Variants in NTN1 observed in about 807,000 individuals in gnomAD.
NTN1 encodes netrin 1.
A neutral mutation model predicts 54.2 loss-of-function variants in NTN1; 11 were observed. That is an observed-to-expected ratio of 0.20 (90% CI 0.13 to 0.34). The LOEUF (loss-of-function observed/expected upper bound fraction) is 0.34, where lower values mean the gene tolerates loss of function less well. NTN1 is among the 10% of genes least tolerant of loss of function. NTN1 has a pLI of 1.00. For missense variants in NTN1, 740 were observed against 893.1 expected (o/e 0.83, Z 2.18); for synonymous variants, 371 against 382.0 (o/e 0.97, Z 0.33).
At chr17:9,169,132 AC>A (rs1217610356) in intron 3 of NTN1, among the ~76,000 whole-genome samples, 2 of 152,156 alleles carry the variant, frequency 1.3e-5, no homozygotes, top group African/African-American at 2.4e-5. Context: ...TGTTCAGTCT[AC>A]AGGGTATCAG....
chr17:9,228,517 C>T (rs73973311), intron 6 of NTN1, among the ~76,000 whole-genome samples: 3,190 of 152,264 alleles, frequency 0.021, 114 homozygotes, highest in African/African-American at 0.073. Context: ...TGGGTGCTGC[C>T]GCTGGCTTCT....
chr17:9,239,833 C>T lies in NTN1; in HGVS notation c.1680C>T (p.Asn560=), dbSNP rs1404484921. ...KPLKKYLLLG[N]AEDSPDQSGI... ...TCAAGAAGTACCTGCTGCTGGGCAA[C>T]GCGGAGGACTCTCCGGACCAGAGCG... is the stretch of plus-strand genomic sequence containing the variant. Residue 560 remains asparagine, a synonymous_variant, in exon 7 of 7, where the codon AAC becomes AAT. Coordinates refer to ENST00000173229, the MANE Select transcript of NTN1 (RefSeq NM_004822.3). This position sits in a 1 kb window ranked among gnomAD's most constrained non-coding sequence, Gnocchi z 5.2. The T allele has an allele frequency of 1.2e-6, 2 of 1,613,346 alleles. No homozygotes were observed. Among genetic ancestry groups the T allele is most frequent in the African/African-American group, 1.3e-5 (1 of 75,066 alleles).
At chr17:9,124,523 A>G (rs567257789) in intron 2 of NTN1, among the ~76,000 whole-genome samples, 1 of 152,270 alleles carries the variant, frequency 6.6e-6, no homozygotes, top group South Asian at 2.1e-4. Flanking sequence ...CCACACTCAG[A>G]CCACACTCAG....
the NTN1 span, among the ~76,000 whole-genome samples, chr17:9,013,204 T>TTTTTTC: frequency 7.5e-6 from 1 of 132,760 alleles, no homozygotes; most frequent in African/African-American, 2.9e-5. Context: ...TCTTTTTTTC[T>TTTTTTC]TTTTTCTTTT....
intron 2 of NTN1, among the ~76,000 whole-genome samples, chr17:9,106,507 T>G: frequency 6.8e-6 from 1 of 146,670 alleles, no homozygotes; most frequent in African/African-American, 2.5e-5. Context: ...CTTCCTTCCT[T>G]CCTTCCTTCC....
At chr17:9,103,450 TAGTG>T (rs780201611) in intron 2 of NTN1, among the ~76,000 whole-genome samples, 2 of 152,126 alleles carry the variant, frequency 1.3e-5, no homozygotes, top group Non-Finnish European at 2.9e-5. Context: ...GTTCTCATGA[TAGTG>T]AGTGAGTTCT....
chr17:9,116,066 G>T (rs987495401), intron 2 of NTN1, among the ~76,000 whole-genome samples: 9 of 152,234 alleles, frequency 5.9e-5, no homozygotes, highest in Non-Finnish European at 1.2e-4. Flanking sequence ...AGCCGCCTGT[G>T]GGTGTCGTCA....
At chr17:9,215,288 CAT>C (rs1555577252) in intron 5 of NTN1, among the ~76,000 whole-genome samples, 26 of 150,754 alleles carry the variant, frequency 1.7e-4, no homozygotes, top group South Asian at 8.6e-4. Flanking sequence ...CACACACACA[CAT>C]ACACACATGG....
At chr17:9,029,172 C>T (rs538061013) in intron 2 of NTN1, among the ~76,000 whole-genome samples, 16 of 152,152 alleles carry the variant, frequency 1.1e-4, no homozygotes, top group African/African-American at 3.9e-4. Flanking sequence ...TTAAAATGTC[C>T]GTCCATGGTG....
At chr17:9,172,541 C>T (rs2092389940) in intron 3 of NTN1, among the ~76,000 whole-genome samples, 2 of 152,082 alleles carry the variant, frequency 1.3e-5, no homozygotes, top group South Asian at 4.1e-4. Flanking sequence ...TTGCACATCC[C>T]ACGTCTGATG....
chr17:9,185,392 A>G (rs1221319815), intron 5 of NTN1, among the ~76,000 whole-genome samples: 1 of 152,176 alleles, frequency 6.6e-6, no homozygotes, highest in African/African-American at 2.4e-5. Flanking sequence ...GCTGCCTGAG[A>G]AAAGCTTGTT....
At chr17:9,205,658 G>T (rs1274444411) in intron 5 of NTN1, among the ~76,000 whole-genome samples, 1 of 152,170 alleles carries the variant, frequency 6.6e-6, no homozygotes, top group South Asian at 2.1e-4. Context: ...CCTGCATTGC[G>T]ATGGGGGGAG....
intron 2 of NTN1, among the ~76,000 whole-genome samples, chr17:9,050,288 T>C (rs953300357): frequency 4.0e-5 from 6 of 151,408 alleles, no homozygotes; most frequent in African/African-American, 1.5e-4. Context: ...AAATAAATAA[T>C]AACAATAAAT....
At chr17:9,139,137 G>A (rs1267588396) in intron 2 of NTN1, among the ~76,000 whole-genome samples, 2 of 152,104 alleles carry the variant, frequency 1.3e-5, no homozygotes, top group African/African-American at 4.8e-5. Flanking sequence ...TCATGGGGGT[G>A]ATGCCAGTCA....
At chr17:9,121,120 G>A (rs1021611241) in intron 2 of NTN1, among the ~76,000 whole-genome samples, 1 of 152,100 alleles carries the variant, frequency 6.6e-6, no homozygotes, top group African/African-American at 2.4e-5. Context: ...TGGCCCTGTC[G>A]GGGGGAGAGC....
chr17:9,069,076 T>C (rs1301741244), intron 2 of NTN1, among the ~76,000 whole-genome samples: 1 of 152,146 alleles, frequency 6.6e-6, no homozygotes, highest in East Asian at 1.9e-4. Context: ...TCCTTGCAAA[T>C]AGCCTCTTGC....
At chr17:9,064,447 T>C (rs915914985) in intron 2 of NTN1, among the ~76,000 whole-genome samples, 1 of 152,218 alleles carries the variant, frequency 6.6e-6, no homozygotes, top group Non-Finnish European at 1.5e-5. Context: ...TTCTCACTTC[T>C]GCGTCGATGC....
chr17:9,120,077 G>A (rs1028462770), intron 2 of NTN1, among the ~76,000 whole-genome samples: 3 of 152,020 alleles, frequency 2.0e-5, no homozygotes, highest in South Asian at 2.1e-4. Context: ...TCAGGAGTTC[G>A]AGACCATCCT....
In NTN1 at chr17:9,130,030, A is replaced by G. The variant is rs533063450; in HGVS notation, c.1019-32783A>G. Among the ~76,000 whole-genome samples, 7 of 152,048 alleles carry G rather than the reference A, an allele frequency of 4.6e-5. No individual in the cohort carries two copies. The South Asian group carries it at 1.5e-3, about 32-fold the overall frequency. ...CTTGTTGGCATGTTGGTGATAAGGG[A>G]CCCTGTGAAGTTATGTCTTGGTGCC... On this transcript the variant is annotated intron_variant, in intron 2 of 6. Coordinates refer to ENST00000173229, the MANE Select transcript of NTN1 (RefSeq NM_004822.3).
Sources: allele counts gnomAD v4.1 joint callset (sites outside exome capture counted in the v4.1 genomes callset), GRCh38; gene constraint gnomAD v4.1.1; non-coding constraint Gnocchi (gnomAD v3.1); transcripts MANE v1.5; gene names NCBI Gene and HGNC (gene_info 2026-07-23, HGNC 2026-07-21).